Variants in RAB2A observed in about 807,000 individuals in gnomAD.
The protein encoded by RAB2A is ras-related protein Rab-2A.
RAB2A carries 7 observed loss-of-function variants against 32.5 expected under a neutral mutation model. That is an observed-to-expected ratio of 0.22 (90% CI 0.12 to 0.40). The LOEUF is 0.40. Ranked by LOEUF, RAB2A falls within the 10% of genes least tolerant of loss-of-function variation. The pLI is 1.00. For missense variants in RAB2A, 108 were observed against 260.7 expected, an observed-to-expected ratio of 0.41 and a Z score of 4.03; for synonymous variants, 79 against 85.2, an observed-to-expected ratio of 0.93 and a Z score of 0.40.
Position 60,620,825 on chromosome 8 carries a change from C to G in RAB2A, c.*56C>G, listed in dbSNP as rs750636435. ...GGCCTACTCACTTATTCTTTCACCCCCTCTCCTCCTGCTCAGCTGAGACAT... is the reference window on the plus strand; with the variant it reads ...GGCCTACTCACTTATTCTTTCACCCGCTCTCCTCCTGCTCAGCTGAGACAT... On this transcript the variant is annotated 3_prime_UTR_variant, in exon 8 of 8. Coordinates refer to ENST00000262646, the MANE Select transcript of RAB2A (RefSeq NM_002865.3). 7.8e-6 allele frequency: 11 copies of G among 1,419,216 alleles called. No homozygotes were observed. In the East Asian group the frequency reaches 2.4e-4, roughly 31 times the overall value. The allele number at this position is 1,419,216 out of a possible 1,614,324, so 87.9% of individuals were successfully genotyped here.
At chr8:60,552,652 G>GTCTGGCTCAATTCTCTGATTC in intron 1 of RAB2A, 1 of 152,300 alleles carries the variant, frequency 6.6e-6, no homozygotes, top group South Asian at 2.1e-4. Context: ...CTTGATGATT[G>GTCTGGCTCAATTCTCTGATTC]TCTGGCTCAA....
intron 1 of RAB2A, among the ~76,000 whole-genome samples, chr8:60,557,986 G>A (rs1365530840): frequency 6.6e-6 from 1 of 152,110 alleles, no homozygotes; most frequent in Non-Finnish European, 1.5e-5. Context: ...ACCTGAACTA[G>A]ACTGTAAGCT....
intron 1 of RAB2A, among the ~76,000 whole-genome samples, chr8:60,517,847 C>G (rs1297077337): frequency 7.2e-5 from 11 of 152,090 alleles, no homozygotes; most frequent in Non-Finnish European, 1.3e-4. Flanking sequence ...TCAACTCTCA[C>G]GTCAGAATAA....
At chr8:60,619,491 T>A (rs1257350663) in intron 7 of RAB2A, among the ~76,000 whole-genome samples, 1 of 152,220 alleles carries the variant, frequency 6.6e-6, no homozygotes, top group Non-Finnish European at 1.5e-5. Context: ...TAAATGAGGC[T>A]CTCTATTACT....
chr8:60,589,419 G>A (rs1411011002), intron 5 of RAB2A, among the ~76,000 whole-genome samples: 1 of 152,156 alleles, frequency 6.6e-6, no homozygotes, highest in East Asian at 1.9e-4. Flanking sequence ...TCAAAACAGG[G>A]AATAAGCAAT....
At chr8:60,615,278 A>G (rs867153196) in intron 6 of RAB2A, among the ~76,000 whole-genome samples, 1 of 152,192 alleles carries the variant, frequency 6.6e-6, no homozygotes, top group Non-Finnish European at 1.5e-5. Flanking sequence ...TATTTTAGGT[A>G]TTGTGCTAGA....
intron 1 of RAB2A, among the ~76,000 whole-genome samples, chr8:60,531,198 G>A (rs1045564007): frequency 6.6e-6 from 1 of 152,170 alleles, no homozygotes. Flanking sequence ...TATTAAAATT[G>A]ATGGATGACC....
chr8:60,521,562 C>G (rs1167607908), intron 1 of RAB2A, among the ~76,000 whole-genome samples: 1 of 152,206 alleles, frequency 6.6e-6, no homozygotes, highest in African/African-American at 2.4e-5. Context: ...GCTTGCTGAT[C>G]ATAATATAGT....
At chr8:60,560,574 G>A (rs918694427) in intron 2 of RAB2A, among the ~76,000 whole-genome samples, 2 of 152,090 alleles carry the variant, frequency 1.3e-5, no homozygotes, top group Admixed American at 6.5e-5. Context: ...TTCTAAGTTG[G>A]TATGGCACAC....
intron 6 of RAB2A, among the ~76,000 whole-genome samples, chr8:60,599,819 GA>G (rs56227393): frequency 3.3e-5 from 5 of 149,944 alleles, no homozygotes; most frequent in South Asian, 4.2e-4. Context: ...TCTTTTAGGG[GA>G]AAAAAAAAGA....
intron 1 of RAB2A, among the ~76,000 whole-genome samples, chr8:60,531,473 G>A (rs1168552513): frequency 6.6e-6 from 1 of 152,194 alleles, no homozygotes; most frequent in Non-Finnish European, 1.5e-5. Flanking sequence ...TAAATAATAT[G>A]TGAAGGTAAG....
At chr8:60,611,303 A>G (rs899180533) in intron 6 of RAB2A, among the ~76,000 whole-genome samples, 1 of 151,916 alleles carries the variant, frequency 6.6e-6, no homozygotes, top group African/African-American at 2.4e-5. Flanking sequence ...ACTTTATCTC[A>G]CGTTCCTGGC....
At chr8:60,584,618 A>G (rs1156329323) in intron 4 of RAB2A, 105 bp from the exon 5 acceptor site, 4 of 893,366 alleles carry the variant, frequency 4.5e-6, no homozygotes, top group Non-Finnish European at 6.9e-6. Context: ...TCGTTACATA[A>G]GTGGATATGG....
intron 3 of RAB2A, among the ~76,000 whole-genome samples, chr8:60,581,512 A>G (rs1207951572): frequency 6.6e-6 from 1 of 152,208 alleles, no homozygotes; most frequent in East Asian, 1.9e-4. Flanking sequence ...TTTTCCATTT[A>G]ATATTTTCAG....
intron 6 of RAB2A, among the ~76,000 whole-genome samples, chr8:60,598,868 A>G (rs149262591): frequency 1.3e-5 from 2 of 148,744 alleles, no homozygotes; most frequent in African/African-American, 4.9e-5. Flanking sequence ...TAGATTAGGA[A>G]CAAAGCAGTA....
rs537945596 is a variant in RAB2A, at chr8:60,539,994, C to T, written c.47-18858C>T. 1.6e-4 allele frequency among the ~76,000 whole-genome samples: 24 copies of T among 151,610 alleles called. No individual in the cohort carries two copies. In the South Asian group the frequency reaches 4.8e-3, roughly 30 times the overall value. On this transcript the variant is annotated intron_variant, in intron 1 of 7. Transcript: ENST00000262646. ...TAAACATGGTGGACCTAGGGAGGTA[C>T]ATGTGACAGGTTAAGGTAGAGTTTG... is the stretch of plus-strand genomic sequence containing the variant.
chr8:60,555,905 C>T (rs971940082), intron 1 of RAB2A, among the ~76,000 whole-genome samples: 2 of 152,174 alleles, frequency 1.3e-5, no homozygotes, highest in Non-Finnish European at 2.9e-5. Flanking sequence ...AATATCTGCA[C>T]TCCCATGTTT....
intron 1 of RAB2A, among the ~76,000 whole-genome samples, chr8:60,550,027 T>C (rs1489789959): frequency 1.3e-5 from 2 of 152,240 alleles, no homozygotes; most frequent in Non-Finnish European, 2.9e-5. Context: ...ATGTGGCTTA[T>C]CTTCATCCTG....
At chr8:60,576,457 A>G (rs1470698749) in intron 3 of RAB2A, among the ~76,000 whole-genome samples, 1 of 152,194 alleles carries the variant, frequency 6.6e-6, no homozygotes, top group African/African-American at 2.4e-5. Context: ...AAATTGTAAT[A>G]TGGATGTTTT....
Sources: allele counts gnomAD v4.1 joint callset (sites outside exome capture counted in the v4.1 genomes callset), GRCh38; gene constraint gnomAD v4.1.1; transcripts MANE v1.5; gene names NCBI Gene and HGNC (gene_info 2026-07-23, HGNC 2026-07-21).